PTPRG: variants seen among roughly 807,000 people sequenced by gnomAD.
PTPRG encodes the protein protein tyrosine phosphatase receptor type G.
A neutral mutation model predicts 165.3 loss-of-function variants in PTPRG; 102 were observed. That is an observed-to-expected ratio of 0.62 (90% CI 0.53 to 0.73). The LOEUF (loss-of-function observed/expected upper bound fraction) is 0.73. Ranked by LOEUF, PTPRG falls within the 30% of genes least tolerant of loss-of-function variation. The pLI, the probability that PTPRG is intolerant of heterozygous loss-of-function variation, is 0.00. For missense variants in PTPRG, 1,866 were observed against 1,861.4 expected, an observed-to-expected ratio of 1.00 and a Z score of -0.05; for synonymous variants, 675 against 669.5, an observed-to-expected ratio of 1.01 and a Z score of -0.13.
intron 2 of PTPRG, among the ~76,000 whole-genome samples, chr3:61,843,212 C>G (rs931736961): frequency 1.3e-5 from 2 of 152,154 alleles, no homozygotes; most frequent in Non-Finnish European, 2.9e-5. Context: ...TATAGCCCAT[C>G]TGAAGCAAGA....
chr3:61,843,987 G>A (rs1184122299), intron 2 of PTPRG, among the ~76,000 whole-genome samples: 1 of 142,664 alleles, frequency 7.0e-6, no homozygotes, highest in East Asian at 2.1e-4. Context: ...TTTTTGAAAT[G>A]GAGTCTCATT....
intron 2 of PTPRG, among the ~76,000 whole-genome samples, chr3:61,867,679 T>C (rs1406817471): frequency 1.3e-5 from 2 of 152,162 alleles, no homozygotes; most frequent in African/African-American, 4.8e-5. Context: ...TGTACCTCTT[T>C]TCCATCTCTG....
intron 2 of PTPRG, among the ~76,000 whole-genome samples, chr3:61,831,205 G>GGAT (rs753042614): frequency 2.6e-5 from 4 of 152,148 alleles, no homozygotes; most frequent in Non-Finnish European, 4.4e-5. Flanking sequence ...GCATAACCCA[G>GGAT]GATACTCCTA....
chr3:62,137,782 G>A (rs1372528902), intron 6 of PTPRG, among the ~76,000 whole-genome samples: 2 of 152,098 alleles, frequency 1.3e-5, no homozygotes, highest in Admixed American at 6.6e-5. Flanking sequence ...CAGTCTGATC[G>A]AGAAACGATT....
At position 61,982,652 on chromosome 3, in the gene PTPRG, G is replaced by A. The variant is rs565771573; in HGVS notation, c.191-6973G>A. Among the ~76,000 whole-genome samples the A allele has an allele frequency of 2.6e-5, 4 of 152,162 alleles. No homozygotes were observed. The South Asian group carries it at 8.3e-4, about 32-fold the overall frequency. ...GTCTGTGGCTCAGAACTAAAAGGTAGCCATTATTGCCATCTTTACTCTTTT... is the reference window on the plus strand; with the variant it reads ...GTCTGTGGCTCAGAACTAAAAGGTAACCATTATTGCCATCTTTACTCTTTT... On this transcript the variant is annotated intron_variant, in intron 2 of 29. Coordinates refer to ENST00000474889, the MANE Select transcript of PTPRG (RefSeq NM_002841.4).
Position 61,913,766 on chromosome 3 carries a change from G to A in PTPRG, c.191-75859G>A, listed in dbSNP as rs1014016123. On this transcript the variant is annotated intron_variant, in intron 2 of 29. Coordinates refer to ENST00000474889, the MANE Select transcript of PTPRG (RefSeq NM_002841.4). ...TAAGTCTGCACCCATGGCTGGATGAGCATTACCTCGTTCATTACACCTGAA... is the reference window on the plus strand; with the variant it reads ...TAAGTCTGCACCCATGGCTGGATGAACATTACCTCGTTCATTACACCTGAA... Among the ~76,000 whole-genome samples, 10 of 152,202 alleles carry A rather than the reference G, an allele frequency of 6.6e-5. No homozygotes were observed. The South Asian group carries it at 1.9e-3, about 28-fold the overall frequency.
intron 16 of PTPRG, among the ~76,000 whole-genome samples, chr3:62,256,283 G>A (rs1423206702): frequency 1.3e-5 from 2 of 152,110 alleles, no homozygotes; most frequent in Non-Finnish European, 2.9e-5. Context: ...ATAAAAACAG[G>A]ATGAAAAGCC....
intron 4 of PTPRG, among the ~76,000 whole-genome samples, chr3:62,005,832 A>T (rs1395736323): frequency 6.6e-6 from 1 of 150,744 alleles, no homozygotes; most frequent in African/African-American, 2.4e-5. Flanking sequence ...CTTCCCAGGA[A>T]GCTGGGATTA....
At chr3:62,270,215 C>T (rs185640596) in intron 20 of PTPRG, among the ~76,000 whole-genome samples, 6 of 151,470 alleles carry the variant, frequency 4.0e-5, no homozygotes, top group Admixed American at 2.0e-4. Flanking sequence ...GTGTCTTGGA[C>T]ATTTTGGAAA....
At position 61,562,235 on chromosome 3, in the gene PTPRG, T is replaced by TA; in HGVS notation, c.-52dup. On this transcript the variant is annotated 5_prime_UTR_variant, in exon 1 of 30. Coordinates refer to ENST00000474889, the MANE Select transcript of PTPRG (RefSeq NM_002841.4). ...GGAGGCTCGCACGGAGGCAAGAACT[T>TA]ATTCAACAAGTTTACCTCCCTGCTT... 1.3e-6 allele frequency: 2 copies of TA among 1,537,256 alleles called. No homozygotes were observed. Among genetic ancestry groups the TA allele is most frequent in the South Asian group, 2.2e-5 (2 of 89,558 alleles).
chr3:62,092,425 G>A (rs547908517), intron 5 of PTPRG, among the ~76,000 whole-genome samples: 14 of 116,332 alleles, frequency 1.2e-4, no homozygotes, highest in Admixed American at 2.1e-4. Flanking sequence ...GGGCAACAGA[G>A]CAAGAGTCCA....
chr3:62,204,440 G>C (rs1447204595), intron 12 of PTPRG, among the ~76,000 whole-genome samples: 1 of 152,156 alleles, frequency 6.6e-6, no homozygotes. Context: ...CCAGAAGTTA[G>C]GTAGCAGGAA....
At chr3:62,009,557 A>G (rs2041370353) in intron 4 of PTPRG, among the ~76,000 whole-genome samples, 1 of 152,094 alleles carries the variant, frequency 6.6e-6, no homozygotes, top group South Asian at 2.1e-4. Context: ...TTTGCCATCA[A>G]TTTTATGAAG....
chr3:61,799,595 G>A (rs2035171601), intron 2 of PTPRG, among the ~76,000 whole-genome samples: 1 of 152,162 alleles, frequency 6.6e-6, no homozygotes, highest in Non-Finnish European at 1.5e-5. Flanking sequence ...ATAATTACAT[G>A]GGGCTTATAG....
At chr3:61,912,657 T>C (rs1353852695) in intron 2 of PTPRG, among the ~76,000 whole-genome samples, 1 of 152,214 alleles carries the variant, frequency 6.6e-6, no homozygotes, top group Non-Finnish European at 1.5e-5. Flanking sequence ...ATAATCTGCA[T>C]AGTTTTGATA....
chr3:61,860,503 C>T (rs2037234208), intron 2 of PTPRG, among the ~76,000 whole-genome samples: 1 of 134,474 alleles, frequency 7.4e-6, no homozygotes, highest in African/African-American at 2.8e-5. Context: ...TGCACTGGCA[C>T]AATCTTGGCT....
At chr3:61,600,120 A>G (rs765199588) in intron 1 of PTPRG, among the ~76,000 whole-genome samples, 74 of 150,712 alleles carry the variant, frequency 4.9e-4, no homozygotes, top group Non-Finnish European at 9.7e-4. Context: ...AGAGCAAGCC[A>G]CTATACTCCA....
intron 2 of PTPRG, among the ~76,000 whole-genome samples, chr3:61,952,118 G>GAAAAAAAAA (rs35655816): frequency 1.3e-5 from 1 of 79,692 alleles, no homozygotes; most frequent in Non-Finnish European, 2.4e-5. Flanking sequence ...CTCCACCTCA[G>GAAAAAAAAA]AAAAAAAAAA....
In PTPRG at chr3:61,567,965, C is replaced by CAAA. The variant is rs11451025; in HGVS notation, c.85+5611_85+5613dup. 3.6e-3 allele frequency among the ~76,000 whole-genome samples: 451 copies of CAAA among 123,950 alleles called. 8 individuals are homozygous for CAAA. Among genetic ancestry groups the CAAA allele is most frequent in the Middle Eastern group, 0.013 (3 of 230 alleles). 81.3% of individuals were successfully genotyped at this position (123,950 alleles called of 152,430 possible). The stretch of plus-strand genomic sequence containing the variant: ...TGGGCGACATAGTGAGACCCTGCCT[C>CAAA]AAAAAAAAAAAAAAAAAAAAGTTCA... On this transcript the variant is annotated intron_variant, in intron 1 of 29. Coordinates refer to ENST00000474889, the MANE Select transcript of PTPRG (RefSeq NM_002841.4).
Sources: gnomAD v4.1 joint callset for allele counts (sites outside exome capture counted in the v4.1 genomes callset) on GRCh38, gnomAD v4.1.1 for gene constraint, MANE v1.5 for transcripts, NCBI Gene and HGNC (gene_info 2026-07-23, HGNC 2026-07-21) for gene names.